The following CLIC5 variants were observed in gnomAD, a reference collection of about 807,000 sequenced individuals.
The protein encoded by CLIC5 is CLIC family member 5.
In CLIC5, 20 loss-of-function variants were observed where a neutral mutation model predicts 24.7. The observed-to-expected ratio is 0.81, with a 90% CI of 0.57 to 1.18. The LOEUF (loss-of-function observed/expected upper bound fraction) is 1.18, where lower values mean the gene tolerates loss of function less well. Ranked by LOEUF, CLIC5 falls within the 50% of genes most tolerant of loss-of-function variation. The probability of loss-of-function intolerance (pLI) is 0.00; values close to 1 mark genes in which losing one functional copy is unlikely to be tolerated. For synonymous variants in CLIC5, 159 were observed against 135.6 expected (o/e 1.17, Z -1.20); for missense variants, 341 against 326.1 (o/e 1.05, Z -0.35).
chr6:46,011,359 G>A (rs1766802008), intron 1 of CLIC5, among the ~76,000 whole-genome samples: 1 of 152,232 alleles, frequency 6.6e-6, no homozygotes, highest in South Asian at 2.1e-4. Context: ...GGCAGAAGCT[G>A]CCTGCTATTG....
intron 4 of CLIC5, among the ~76,000 whole-genome samples, chr6:45,927,557 C>T (rs190166081): frequency 2.6e-5 from 4 of 152,176 alleles, no homozygotes; most frequent in African/African-American, 9.7e-5. Context: ...TTGCCTCCCC[C>T]CTTCTACCAG....
At chr6:46,095,677 T>C in the CLIC5 span, among the ~76,000 whole-genome samples, 1 of 152,258 alleles carries the variant, frequency 6.6e-6, no homozygotes, top group Non-Finnish European at 1.5e-5. Flanking sequence ...TCATTGTCCA[T>C]ATCACATATT....
At chr6:46,078,693 A>T (rs181966493) in intron 1 of CLIC5, among the ~76,000 whole-genome samples, 5 of 152,340 alleles carry the variant, frequency 3.3e-5, no homozygotes. Context: ...TCTGGTATGT[A>T]TGTGTGAACC....
chr6:45,949,261 A>C lies in CLIC5; in HGVS notation c.294T>G (p.Pro98=). 1 of 1,613,122 alleles carries C rather than the reference A, an allele frequency of 6.2e-7. No homozygotes were observed. Among genetic ancestry groups the C allele is most frequent in the South Asian group, 1.1e-5 (1 of 90,972 alleles). ...IEEFLEETLT[P]EKYPKLAAKH... is the part of the protein sequence containing the mutation. ...AGAAAGAAACAGATCCTTACTTTTCAGGGGTCAAGGTCTCCTCCAGGAACT... is the reference window on the plus strand; with the variant it reads ...AGAAAGAAACAGATCCTTACTTTTCCGGGGTCAAGGTCTCCTCCAGGAACT... Residue 98 remains proline (P), a synonymous_variant, in exon 3 of 6, where the codon CCT becomes CCG. Transcript: ENST00000339561.
At chr6:45,957,248 T>C (rs1764675627) in intron 1 of CLIC5, among the ~76,000 whole-genome samples, 1 of 152,194 alleles carries the variant, frequency 6.6e-6, no homozygotes, top group Admixed American at 6.5e-5. Context: ...CATATAATAA[T>C]AATGTTAATA....
chr6:46,013,677 T>C (rs1766885937), intron 1 of CLIC5, among the ~76,000 whole-genome samples: 1 of 152,302 alleles, frequency 6.6e-6, no homozygotes, highest in Admixed American at 6.5e-5. Flanking sequence ...TCTCCAACAC[T>C]GCCAACAAGA....
chr6:45,932,315 G>T (rs1424338151), intron 4 of CLIC5, among the ~76,000 whole-genome samples: 1 of 151,926 alleles, frequency 6.6e-6, no homozygotes, highest in Non-Finnish European at 1.5e-5. Context: ...CACCATGTTG[G>T]CCAGGACGGT....
chr6:45,887,949 A>G (rs1188754004), intron 6 of CLIC5, among the ~76,000 whole-genome samples: 2 of 152,222 alleles, frequency 1.3e-5, no homozygotes, highest in Non-Finnish European at 2.9e-5. Context: ...AAATTTTCAA[A>G]CATCTGGCAA....
chr6:45,976,356 T>C (rs572655382), intron 1 of CLIC5, among the ~76,000 whole-genome samples: 81 of 152,312 alleles, frequency 5.3e-4, no homozygotes, highest in African/African-American at 1.9e-3. Context: ...TCTTTCTTTG[T>C]TAAATGTGTA....
rs1762521208 is a variant in CLIC5 at position 45,901,930 on chromosome 6, T to C, written c.*1158A>G. On this transcript the variant is annotated 3_prime_UTR_variant, in exon 6 of 6. Transcript: ENST00000339561. ...CAGACCACCTCCTAAATGTGGCTTT[T>C]ACCCATTACAGGCTACAGTTGAATC... is the stretch of plus-strand genomic sequence containing the variant. 1 of 152,574 alleles carries C rather than the reference T, an allele frequency of 6.6e-6. No homozygotes were observed. Among genetic ancestry groups the C allele is most frequent in the Admixed American group, 6.5e-5 (1 of 15,274 alleles). 9.5% of individuals were successfully genotyped at this position (152,574 alleles called of 1,614,324 possible).
At chr6:45,992,840 C>A (rs1765990514) in intron 1 of CLIC5, among the ~76,000 whole-genome samples, 1 of 151,924 alleles carries the variant, frequency 6.6e-6, no homozygotes, top group Non-Finnish European at 1.5e-5. Context: ...AATTTTGTAC[C>A]CCATATGAAC....
intron 5 of CLIC5, among the ~76,000 whole-genome samples, chr6:45,908,449 C>T (rs1166477658): frequency 6.6e-6 from 1 of 152,046 alleles, no homozygotes; most frequent in African/African-American, 2.4e-5. Flanking sequence ...TTTGCTACAT[C>T]CTAGAGATTT....
At chr6:46,073,667 G>T (rs2127476033) in intron 1 of CLIC5, among the ~76,000 whole-genome samples, 2 of 152,288 alleles carry the variant, frequency 1.3e-5, no homozygotes, top group South Asian at 4.1e-4. Flanking sequence ...TAAGATCCAA[G>T]CCCCTTAGTT....
chr6:46,072,205 C>A lies in CLIC5; in HGVS notation c.540+7498G>T, dbSNP rs1288049634. Among the ~76,000 whole-genome samples the A allele has an allele frequency of 2.1e-5, 3 of 141,362 alleles. No individual in the cohort carries two copies. In the East Asian group the frequency reaches 6.2e-4, roughly 29 times the overall value. 92.7% of individuals were successfully genotyped at this position (141,362 alleles called of 152,430 possible). ...CCATAACACAAATTTACCTATATAA[C>A]AAATCTGCTAATGTACCCCTGAACT... On this transcript the variant is annotated intron_variant, in intron 1 of 5. Transcript: ENST00000185206.
At chr6:46,060,293 A>G (rs939106135) in intron 1 of CLIC5, among the ~76,000 whole-genome samples, 4 of 152,194 alleles carry the variant, frequency 2.6e-5, no homozygotes, top group Non-Finnish European at 4.4e-5. Context: ...CGGTGTATTT[A>G]CTTATTAAAA....
chr6:45,989,096 C>T (rs2127421570), intron 1 of CLIC5, among the ~76,000 whole-genome samples: 1 of 152,332 alleles, frequency 6.6e-6, no homozygotes, highest in South Asian at 2.1e-4. Context: ...TTCTAGGCTG[C>T]ATTTGACATC....
In CLIC5 at chr6:45,923,103, C is replaced by T. The variant is rs542966471; in HGVS notation, c.407-8694G>A. ...AGAAACTCATAAATGATTGTAGAAC[C>T]CATCGTGCTAATAGAAAGTACGGCA... is the stretch of plus-strand genomic sequence containing the variant. On this transcript the variant is annotated intron_variant, in intron 4 of 5. Coordinates refer to ENST00000339561, the MANE Select transcript of CLIC5 (RefSeq NM_016929.5). Among the ~76,000 whole-genome samples, 3 of 152,184 alleles carry T rather than the reference C, an allele frequency of 2.0e-5. No individual in the cohort carries two copies. The South Asian group carries it at 6.2e-4, about 32-fold the overall frequency.
At chr6:46,039,419 G>T (rs1000941773) in intron 1 of CLIC5, among the ~76,000 whole-genome samples, 7 of 151,802 alleles carry the variant, frequency 4.6e-5, no homozygotes, top group Admixed American at 4.6e-4. Flanking sequence ...TAGGCAAGAA[G>T]TGATCAGTAT....
intron 5 of CLIC5, among the ~76,000 whole-genome samples, chr6:45,905,389 G>T (rs546118975): frequency 6.0e-5 from 9 of 151,156 alleles, no homozygotes; most frequent in African/African-American, 2.2e-4. Flanking sequence ...GTTGCTTTTT[G>T]ACTTTTTCAC....
Sources: gnomAD v4.1 joint callset for allele counts (sites outside exome capture counted in the v4.1 genomes callset) on GRCh38, gnomAD v4.1.1 for gene constraint, MANE v1.5 for transcripts, NCBI Gene and HGNC (gene_info 2026-07-23, HGNC 2026-07-21) for gene names.